The following CLCC1 variants were observed in gnomAD, a reference collection of about 807,000 sequenced individuals.
The protein encoded by CLCC1 is chloride channel CLIC like 1.
A neutral mutation model predicts 63.3 loss-of-function variants in CLCC1; 39 were observed. That is an observed-to-expected ratio of 0.62 (90% CI 0.48 to 0.81). The LOEUF is 0.81. Among genes scored for constraint, CLCC1 ranks in the 30% least tolerant of loss-of-function variants. The pLI is 0.00. For missense variants in CLCC1, 549 were observed against 669.4 expected, an observed-to-expected ratio of 0.82 and a Z score of 1.98; for synonymous variants, 217 against 239.8, an observed-to-expected ratio of 0.90 and a Z score of 0.88.
At chr1:108,948,766 T>C (rs1044306511) in intron 4 of CLCC1, among the ~76,000 whole-genome samples, 1 of 152,250 alleles carries the variant, frequency 6.6e-6, no homozygotes, top group Non-Finnish European at 1.5e-5. Context: ...TCTGCATTTT[T>C]GCTGTGCAGC....
At chr1:108,952,477 GTTTT>G (rs1226775413) in intron 2 of CLCC1, among the ~76,000 whole-genome samples, 1 of 150,466 alleles carries the variant, frequency 6.6e-6, no homozygotes, top group Non-Finnish European at 1.5e-5. Context: ...GGCCCCCCCT[GTTTT>G]TTTTTAACAA....
chr1:108,954,572 A>G (rs895894963), intron 2 of CLCC1, among the ~76,000 whole-genome samples: 20 of 151,244 alleles, frequency 1.3e-4, no homozygotes, highest in Admixed American at 1.3e-3. Flanking sequence ...TCATTATCCA[A>G]CAAAGAGGCT....
intron 1 of CLCC1, among the ~76,000 whole-genome samples, chr1:108,962,966 A>AT (rs1656861259): frequency 6.6e-6 from 1 of 152,242 alleles, no homozygotes; most frequent in Non-Finnish European, 1.5e-5. Flanking sequence ...GTTTTAGAAA[A>AT]TTAACTACAA....
Position 108,934,911 on chromosome 1 carries a change from T to G in CLCC1, c.1415A>C (p.Lys472Thr), listed in dbSNP as rs1452276085. Reference sequence around the variant, plus strand: ...TTCCCCCAGGATTCCACCTGTCTCCTTGGGCTTTGTATCCAAAACAGGTGA... The same window carrying G: ...TTCCCCCAGGATTCCACCTGTCTCCGTGGGCTTTGTATCCAAAACAGGTGA... ...HKSPVLDTKP[K>T]ETGGILGEGT... The change falls in exon 12 of 13, where the codon AAG becomes ACG. Residue 472 changes from lysine (K) to threonine (T), a missense_variant. Transcript: ENST00000369969. 1 of 1,613,462 alleles carries G rather than the reference T, an allele frequency of 6.2e-7. No individual in the cohort carries two copies. Among genetic ancestry groups the G allele is most frequent in the East Asian group, 2.2e-5 (1 of 44,864 alleles).
intron 2 of CLCC1, among the ~76,000 whole-genome samples, chr1:108,962,049 C>T (rs913347991): frequency 6.6e-6 from 1 of 152,124 alleles, no homozygotes; most frequent in Non-Finnish European, 1.5e-5. Context: ...ACCTAAACTG[C>T]CTCTCCAGGG....
At chr1:108,950,011 C>A in intron 3 of CLCC1, 90 bp from the exon 4 acceptor site, 2 of 801,742 alleles carry the variant, frequency 2.5e-6, no homozygotes, top group East Asian at 2.7e-5. Flanking sequence ...CTGACTTCAT[C>A]ATTTCATGAC....
At chr1:108,935,787 C>G (rs1652834160) in intron 11 of CLCC1, among the ~76,000 whole-genome samples, 2 of 152,062 alleles carry the variant, frequency 1.3e-5, no homozygotes, top group Middle Eastern at 6.8e-3. Context: ...GAGTAAAGGC[C>G]TGAAGAAAGT....
Position 108,929,644 on chromosome 1 carries a change from T to C in CLCC1, c.*2903A>G, listed in dbSNP as rs1651553240. On this transcript the variant is annotated 3_prime_UTR_variant, in exon 13 of 13. Transcript: ENST00000369969. The stretch of plus-strand genomic sequence containing the variant: ...CTTGTTGTGACTGAGAGATTTAACA[T>C]AGCTTGGTGCTTTCTTTCCCACAGT... The C allele has an allele frequency of 1.3e-6, 2 of 1,551,564 alleles. No homozygotes were observed. The highest frequency in any genetic ancestry group is 1.8e-6 in the Non-Finnish European group (2 of 1,123,758).
At position 108,929,547 on chromosome 1, in the gene CLCC1, ACT is replaced by A. The variant is rs1651524722; in HGVS notation, c.*2998_*2999del. 2.9e-6 allele frequency: 2 copies of A among 688,018 alleles called. No homozygotes were observed. Among genetic ancestry groups the A allele is most frequent in the Non-Finnish European group, 5.1e-6 (2 of 395,834 alleles). 42.6% of individuals were successfully genotyped at this position (688,018 alleles called of 1,614,324 possible). ...ATTTCTTTCAGAAATCAGGCTGGGA[ACT>A]AAAGAGAACAATATAAAAACAAAGA... On this transcript the variant is annotated 3_prime_UTR_variant, in exon 13 of 13. Transcript: ENST00000369969.
Position 108,943,554 on chromosome 1 carries a change from C to T in CLCC1, c.623G>A (p.Arg208His), listed in dbSNP as rs141116625. ...LVATELWTYV[R>H]WYTQLRRVLI... Reference sequence around the variant, plus strand: ...AACACGTCTCAACTGAGTGTACCAACGTACATATGTCCACAGCTCAGTAGC... The same window carrying T: ...AACACGTCTCAACTGAGTGTACCAATGTACATATGTCCACAGCTCAGTAGC... The change falls in exon 7 of 13, where the codon CGT becomes CAT. Residue 208 changes from arginine (R) to histidine (H), a missense_variant. By Grantham distance (29) the Arg-to-His change is conservative. Coordinates refer to ENST00000369969, the MANE Select transcript of CLCC1 (RefSeq NM_001377458.1). 58 of 1,613,750 alleles carry T rather than the reference C, an allele frequency of 3.6e-5. No homozygotes were observed. Among genetic ancestry groups the T allele is most frequent in the Non-Finnish European group, 4.4e-5 (52 of 1,179,768 alleles).
chr1:108,939,792 G>A lies in CLCC1; in HGVS notation c.895-10C>T. On this transcript the variant is annotated splice_polypyrimidine_tract_variant and intron_variant, in intron 9 of 12. Coordinates refer to ENST00000369969, the MANE Select transcript of CLCC1 (RefSeq NM_001377458.1). Reference sequence around the variant, plus strand: ...ATGTAACTGCAAGTGCCTAAAACGAGAGAAAAGCAACTTAATTTTCTCCTC... The same window carrying A: ...ATGTAACTGCAAGTGCCTAAAACGAAAGAAAAGCAACTTAATTTTCTCCTC... 1.2e-6 allele frequency: 2 copies of A among 1,611,720 alleles called. No individual in the cohort carries two copies. Among genetic ancestry groups the A allele is most frequent in the Non-Finnish European group, 1.7e-6 (2 of 1,179,064 alleles).
chr1:108,954,342 A>AC (rs201586115), intron 2 of CLCC1, among the ~76,000 whole-genome samples: 1 of 150,062 alleles, frequency 6.7e-6, no homozygotes. Context: ...AACAACAACA[A>AC]AAATTAGCCA....
At chr1:108,961,323 G>A (rs1656610436) in intron 2 of CLCC1, among the ~76,000 whole-genome samples, 2 of 148,544 alleles carry the variant, frequency 1.3e-5, no homozygotes, top group African/African-American at 2.5e-5. Context: ...GTAAATCTGA[G>A]GTAGGTCTGA....
In CLCC1 at chr1:108,962,913, GT is replaced by G. The variant is rs1237166214; in HGVS notation, c.-172-445del. On this transcript the variant is annotated intron_variant, in intron 1 of 12. Transcript: ENST00000369969. ...CCATTTTGGAGGTTGTTTTGTGTCC[GT>G]TTTTGTTGTTGTTGTTAACTGTGTT... Among the ~76,000 whole-genome samples, 4 of 150,660 alleles carry G rather than the reference GT, an allele frequency of 2.7e-5. No individual in the cohort carries two copies. The East Asian group carries it at 7.7e-4, about 29-fold the overall frequency.
In CLCC1 at chr1:108,932,250, G is replaced by A. The variant is rs1294428573; in HGVS notation, c.*297C>T. The A allele has an allele frequency of 6.6e-6, 1 of 151,988 alleles. No individual in the cohort carries two copies. The highest frequency in any genetic ancestry group is 2.4e-5 in the African/African-American group (1 of 41,346). 9.4% of individuals were successfully genotyped at this position (151,988 alleles called of 1,614,324 possible). On this transcript the variant is annotated 3_prime_UTR_variant, in exon 13 of 13. Coordinates refer to ENST00000369969, the MANE Select transcript of CLCC1 (RefSeq NM_001377458.1). ...GATTGTACCACCTCACTCCAGCCTG[G>A]GTGACAGAGCAAAACTCTCAAAAAA...
At chr1:108,936,821 T>G (rs1653091808) in intron 11 of CLCC1, among the ~76,000 whole-genome samples, 1 of 152,262 alleles carries the variant, frequency 6.6e-6, no homozygotes, top group Non-Finnish European at 1.5e-5. Flanking sequence ...TGGCTTCCCA[T>G]GAAGGTTCAT....
chr1:108,953,307 G>T (rs1038231461), intron 2 of CLCC1, among the ~76,000 whole-genome samples: 3 of 152,192 alleles, frequency 2.0e-5, no homozygotes, highest in African/African-American at 7.2e-5. Flanking sequence ...CCATTTATCG[G>T]TCTGTCTCTT....
chr1:108,956,874 T>TGGGAGGCTGGGAGGCG (rs1239467852), intron 2 of CLCC1, among the ~76,000 whole-genome samples: 1 of 23,994 alleles, frequency 4.2e-5, no homozygotes, highest in African/African-American at 2.8e-4. Flanking sequence ...GGGAATGAGC[T>TGGGAGGCTGGGAGGCG]GGGAGGCAGG....
Position 108,934,914 on chromosome 1 carries a change from G to T in CLCC1, c.1412C>A (p.Pro471His), listed in dbSNP as rs141031754. The T allele has an allele frequency of 6.2e-7, 1 of 1,612,716 alleles. No homozygotes were observed. Among genetic ancestry groups the T allele is most frequent in the African/African-American group, 1.3e-5 (1 of 74,808 alleles). The change falls in exon 12 of 13, where the codon CCC becomes CAC. Residue 471 changes from proline (P) to histidine (H), a missense_variant. Coordinates refer to ENST00000369969, the MANE Select transcript of CLCC1 (RefSeq NM_001377458.1). ...SHKSPVLDTK[P>H]KETGGILGEG... The stretch of plus-strand genomic sequence containing the variant: ...CCCCAGGATTCCACCTGTCTCCTTG[G>T]GCTTTGTATCCAAAACAGGTGATTT...
Sources: allele counts gnomAD v4.1 joint callset (sites outside exome capture counted in the v4.1 genomes callset), GRCh38; gene constraint gnomAD v4.1.1; transcripts MANE v1.5; gene names NCBI Gene and HGNC (gene_info 2026-07-23, HGNC 2026-07-21).